The following XK variants were observed in gnomAD, a reference collection of about 807,000 sequenced individuals.
XK encodes the protein X-linked Kx blood group antigen, Kell and VPS13A binding protein.
A neutral mutation model predicts 14.0 loss-of-function variants in XK; 2 were observed. The ratio of observed to expected loss-of-function variants is 0.14; its 90% CI spans 0.06 to 0.45. The LOEUF (loss-of-function observed/expected upper bound fraction) is 0.45. Ranked by LOEUF, XK falls within the 20% of genes least tolerant of loss-of-function variation. The pLI is 0.98. For synonymous variants in XK, 149 were observed against 147.5 expected (o/e 1.01, Z -0.08); for missense variants, 235 against 341.5 (o/e 0.69, Z 2.46).
At chrX:37,690,319 C>A (rs1556441042) in intron 1 of XK, among the ~76,000 whole-genome samples, 1 of 111,625 alleles carries the variant, frequency 9.0e-6, no homozygotes, top group African/African-American at 3.3e-5. Context: ...TCTATTTAAC[C>A]AATTTGGGTT....
intron 2 of XK, among the ~76,000 whole-genome samples, chrX:37,725,499 C>G (rs1048514920): frequency 9.0e-6 from 1 of 111,428 alleles, no homozygotes; most frequent in African/African-American, 3.3e-5. Context: ...GTTGAGAATG[C>G]AAAATGGTAC....
intron 2 of XK, among the ~76,000 whole-genome samples, chrX:37,698,543 CAAAAAAAAA>C (rs35497516): frequency 3.3e-4 from 9 of 27,003 alleles, no homozygotes; most frequent in South Asian, 3.2e-3. Flanking sequence ...GACCTTGCCT[CAAAAAAAAA>C]AAAAAAAAAA....
Position 37,728,486 on chromosome X carries a change from A to G in XK, c.*24A>G, listed in dbSNP as rs1556450563. On this transcript the variant is annotated 3_prime_UTR_variant, in exon 3 of 3. Transcript: ENST00000378616. ...AATGGGACCCAAGGTCTCAGAGCAC[A>G]GGCATATTATTTTCTGGGTTTGATA... 20 of 1,186,107 alleles carry G rather than the reference A, an allele frequency of 1.7e-5. No homozygotes were observed. Among genetic ancestry groups the G allele is most frequent in the Non-Finnish European group, 2.3e-5 (20 of 878,970 alleles).
rs985049180 is a variant in XK at position 37,729,722 on chromosome X, T to C, written c.*1260T>C. 2 of 111,309 alleles carry C rather than the reference T, an allele frequency of 1.8e-5. No homozygotes were observed. Among genetic ancestry groups the C allele is most frequent in the Admixed American group, 9.6e-5 (1 of 10,452 alleles). The allele number at this position is 111,309 out of a possible 1,213,427, so 9.2% of individuals were successfully genotyped here. A position where few individuals can be genotyped will look rare whatever the true frequency, so the allele number is the denominator to read the frequency against. On this transcript the variant is annotated 3_prime_UTR_variant, in exon 3 of 3. Transcript: ENST00000378616. The stretch of plus-strand genomic sequence containing the variant: ...TGAAAGCGAAATACTTGAAAAGAGG[T>C]GACCATAAAGATCACACCAATTTAG...
intron 1 of XK, among the ~76,000 whole-genome samples, chrX:37,691,818 A>G (rs1927208681): frequency 9.0e-6 from 1 of 111,646 alleles, no homozygotes; most frequent in Admixed American, 9.5e-5. Flanking sequence ...ACATAGTGAG[A>G]CTGTTTCCTC....
In XK at chrX:37,731,428, C is replaced by T. The variant is rs973485059; in HGVS notation, c.*2966C>T. On this transcript the variant is annotated 3_prime_UTR_variant, in exon 3 of 3. Coordinates refer to ENST00000378616, the MANE Select transcript of XK (RefSeq NM_021083.4). ...TGTCCAGCACTACAACTTAATTGCTCTATGCCTCAGTTTCCCCATAATACC... is the reference window on the plus strand; with the variant it reads ...TGTCCAGCACTACAACTTAATTGCTTTATGCCTCAGTTTCCCCATAATACC... 1.6e-4 allele frequency: 18 copies of T among 112,079 alleles called. No homozygotes were observed. The highest frequency in any genetic ancestry group is 5.8e-4 in the African/African-American group (18 of 30,860). 9.2% of individuals were successfully genotyped at this position (112,079 alleles called of 1,213,427 possible).
intron 2 of XK, among the ~76,000 whole-genome samples, chrX:37,726,541 G>A (rs1927978646): frequency 9.0e-6 from 1 of 111,248 alleles, no homozygotes; most frequent in Non-Finnish European, 1.9e-5. Flanking sequence ...TGTAGTAAGT[G>A]ATTATATTTC....
At chrX:37,714,239 T>G (rs1927719637) in intron 2 of XK, among the ~76,000 whole-genome samples, 1 of 111,705 alleles carries the variant, frequency 9.0e-6, no homozygotes, top group African/African-American at 3.3e-5. Flanking sequence ...AGCCTCTGCT[T>G]GATTATATTC....
Position 37,728,112 on chromosome X carries a change from G to T in XK, c.985G>T (p.Ala329Ser). 1 of 1,211,389 alleles carries T rather than the reference G, an allele frequency of 8.3e-7. No individual in the cohort carries two copies. The highest frequency in any genetic ancestry group is 1.8e-5 in the South Asian group (1 of 56,965). The part of the protein sequence containing the change: ...VYYMIRFIEN[A>S]ILLLLWYLFK... ...TTACATGATAAGATTCATCGAGAAT[G>T]CCATCCTCCTCCTCCTGTGGTATCT... Residue 329 changes from alanine to serine, a missense_variant, in exon 3 of 3, where the codon GCC (alanine) becomes TCC (serine). Coordinates refer to ENST00000378616, the MANE Select transcript of XK (RefSeq NM_021083.4).
At chrX:37,697,213 G>A (rs995182443) in intron 2 of XK, among the ~76,000 whole-genome samples, 8 of 112,088 alleles carry the variant, frequency 7.1e-5, no homozygotes, top group Non-Finnish European at 1.3e-4. Flanking sequence ...TGCTGTGTCT[G>A]GGATGGGAGC....
chrX:37,695,448 A>C (rs1348422931), intron 2 of XK, among the ~76,000 whole-genome samples: 1 of 111,469 alleles, frequency 9.0e-6, no homozygotes, highest in Non-Finnish European at 1.9e-5. Context: ...TAAAAAAAAA[A>C]AACACTATTT....
At position 37,687,636 on chromosome X, in the gene XK, A is replaced by G. The variant is rs1402990342; in HGVS notation, c.245+1430A>G. Among the ~76,000 whole-genome samples, 3 of 110,318 alleles carry G rather than the reference A, an allele frequency of 2.7e-5. No individual in the cohort carries two copies. The East Asian group carries it at 8.5e-4, about 31-fold the overall frequency. ...AGGCCTCCCAAAGTGCTGGAATTAC[A>G]GGCATGAGCTACCACGCCTGGCCAT... On this transcript the variant is annotated intron_variant, in intron 1 of 2. Transcript: ENST00000378616.
intron 2 of XK, among the ~76,000 whole-genome samples, chrX:37,723,886 T>C (rs974739080): frequency 9.0e-6 from 1 of 111,583 alleles, no homozygotes; most frequent in African/African-American, 3.2e-5. Flanking sequence ...GTATAAGTAA[T>C]ATACAAAGTA....
At chrX:37,692,784 A>C (rs968521251) in intron 1 of XK, among the ~76,000 whole-genome samples, 2 of 112,477 alleles carry the variant, frequency 1.8e-5, no homozygotes, top group East Asian at 5.5e-4. Context: ...CTCAGTCATT[A>C]ATTTGAGTTT....
intron 2 of XK, among the ~76,000 whole-genome samples, chrX:37,701,265 A>C (rs1927410614): frequency 8.9e-6 from 1 of 112,772 alleles, no homozygotes; most frequent in South Asian, 3.6e-4. Flanking sequence ...TAGAGTTATC[A>C]ATGGCCAAAA....
At chrX:37,706,602 T>TA (rs1927530204) in intron 2 of XK, among the ~76,000 whole-genome samples, 1 of 86,908 alleles carries the variant, frequency 1.2e-5, no homozygotes, top group African/African-American at 7.5e-5. Flanking sequence ...GGACAAATGT[T>TA]CTTTTTTTTT....
intron 2 of XK, among the ~76,000 whole-genome samples, chrX:37,716,127 T>C (rs1277055026): frequency 8.9e-6 from 1 of 112,072 alleles, no homozygotes; most frequent in African/African-American, 3.2e-5. Flanking sequence ...AATAATCCAA[T>C]ATCCAGTATA....
chrX:37,708,208 G>A (rs376280739), intron 2 of XK, among the ~76,000 whole-genome samples: 5 of 111,674 alleles, frequency 4.5e-5, no homozygotes, highest in South Asian at 7.6e-4. Flanking sequence ...AAGAGAGGGA[G>A]AGGGAGACCG....
In XK at chrX:37,688,051, CTTTCTTTCTT is replaced by C. The variant is rs1341902490; in HGVS notation, c.245+1849_245+1858del. On this transcript the variant is annotated intron_variant, in intron 1 of 2. Coordinates refer to ENST00000378616, the MANE Select transcript of XK (RefSeq NM_021083.4). ...CATTTCTTTCTTTCTTTCTTTCTTT[CTTTCTTTCTT>C]TTTTTTTTTTTTTTTTTGAGACGGA... is the stretch of plus-strand genomic sequence containing the variant. Among the ~76,000 whole-genome samples, 147 of 63,946 alleles carry C rather than the reference CTTTCTTTCTT, an allele frequency of 2.3e-3. 1 individual carries two copies. Among genetic ancestry groups the C allele is most frequent in the Middle Eastern group, 6.3e-3 (1 of 159 alleles). 55.5% of individuals were successfully genotyped at this position (63,946 alleles called of 115,157 possible). A position where few individuals can be genotyped will look rare whatever the true frequency, so the allele number is the denominator to read the frequency against.
Sources: allele counts gnomAD v4.1 joint callset (sites outside exome capture counted in the v4.1 genomes callset), GRCh38; gene constraint gnomAD v4.1.1; transcripts MANE v1.5; gene names NCBI Gene and HGNC (gene_info 2026-07-23, HGNC 2026-07-21).